The following CACNA1E variants were observed in gnomAD, a reference collection of about 807,000 sequenced individuals.
CACNA1E encodes voltage-dependent R-type calcium channel subunit alpha-1E.
Under a neutral mutation model 259.2 loss-of-function variants are expected in CACNA1E, and 40 were observed. The ratio of observed to expected loss-of-function variants is 0.15; its 90% CI spans 0.12 to 0.20. The LOEUF (loss-of-function observed/expected upper bound fraction) is 0.20. Ranked by LOEUF, CACNA1E falls within the 10% of genes least tolerant of loss-of-function variation. CACNA1E has a pLI of 1.00. For synonymous variants in CACNA1E, 1,104 were observed against 1,138.5 expected, an observed-to-expected ratio of 0.97 and a Z score of 0.61; for missense variants, 1,874 against 3,040.1, an observed-to-expected ratio of 0.62 and a Z score of 9.02.
intron 3 of CACNA1E, among the ~76,000 whole-genome samples, chr1:181,558,932 T>G (rs1324809870): frequency 2.0e-5 from 3 of 152,186 alleles, no homozygotes. Context: ...CAAGACGGTC[T>G]TTTGGGAAAG....
chr1:181,530,997 A>G (rs1005248684), intron 3 of CACNA1E, among the ~76,000 whole-genome samples: 1 of 152,236 alleles, frequency 6.6e-6, no homozygotes, highest in African/African-American at 2.4e-5. Flanking sequence ...CTGAGATTAC[A>G]TCAAAGTACA....
intron 3 of CACNA1E, among the ~76,000 whole-genome samples, chr1:181,556,587 G>A (rs1456240904): frequency 1.3e-5 from 2 of 152,152 alleles, no homozygotes; most frequent in Admixed American, 6.5e-5. Flanking sequence ...TGCCCCTTCC[G>A]TGCTACCCAG....
rs575949215 is a variant in CACNA1E at position 181,717,298 on chromosome 1, C to T, written c.1521C>T (p.Leu507=). The T allele has an allele frequency of 6.2e-7, 1 of 1,612,758 alleles. No individual in the cohort carries two copies. Among genetic ancestry groups the T allele is most frequent in the Non-Finnish European group, 8.5e-7 (1 of 1,179,280 alleles). The part of the protein sequence containing the change: ...HHNQPQWLTH[L]LYYAEFLFLG... ...ACCAGCCCCAGTGGCTCACCCACCT[C>T]CTCTGTAAGTAAAGCCTCTCTCTAA... Residue 507 remains leucine, a synonymous_variant, in exon 11 of 48, where the codon CTC becomes CTT. Coordinates refer to ENST00000367573, the MANE Select transcript of CACNA1E (RefSeq NM_001205293.3).
intron 7 of CACNA1E, among the ~76,000 whole-genome samples, chr1:181,673,023 A>G (rs761318371): frequency 6.6e-6 from 1 of 152,144 alleles, no homozygotes; most frequent in South Asian, 2.1e-4. Context: ...AAGTGAGAAA[A>G]TTGAGGCAGA....
At chr1:181,423,856 A>C (rs538736377) in intron 2 of CACNA1E, among the ~76,000 whole-genome samples, 29 of 152,130 alleles carry the variant, frequency 1.9e-4, no homozygotes, top group Middle Eastern at 3.4e-3. Context: ...CTTATATATG[A>C]GTGCTTTGTT....
chr1:181,337,188 C>T (rs1334549522), intron 1 of CACNA1E, among the ~76,000 whole-genome samples: 1 of 149,768 alleles, frequency 6.7e-6, no homozygotes, highest in African/African-American at 2.5e-5. Context: ...TGGAGTCTCA[C>T]TCTGTCGCCC....
At chr1:181,575,076 G>A (rs1011090847) in intron 3 of CACNA1E, among the ~76,000 whole-genome samples, 4 of 152,022 alleles carry the variant, frequency 2.6e-5, no homozygotes, top group Non-Finnish European at 5.9e-5. Context: ...ACAGGTGAAC[G>A]GGGAGCCGGC....
At chr1:181,654,724 C>T (rs1659048918) in intron 7 of CACNA1E, among the ~76,000 whole-genome samples, 1 of 152,154 alleles carries the variant, frequency 6.6e-6, no homozygotes, top group African/African-American at 2.4e-5. Flanking sequence ...CTGGCTCACG[C>T]CTGTAATCCC....
Position 181,741,154 on chromosome 1 carries a change from G to A in CACNA1E, c.3719+1901G>A, listed in dbSNP as rs189520507. On this transcript the variant is annotated intron_variant, in intron 25 of 47. Transcript: ENST00000367573. ...TTGAAGTATAAAGGACAAAGAGATAGAAGCATATAGGAAAGAACCCACCCC... is the reference window on the plus strand; with the variant it reads ...TTGAAGTATAAAGGACAAAGAGATAAAAGCATATAGGAAAGAACCCACCCC... 1.3e-3 allele frequency among the ~76,000 whole-genome samples: 196 copies of A among 152,282 alleles called. 1 individual carries two copies. Among genetic ancestry groups the A allele is most frequent in the Non-Finnish European group, 1.7e-3 (113 of 68,018 alleles).
chr1:181,609,513 G>A (rs1376934841), intron 6 of CACNA1E, among the ~76,000 whole-genome samples: 1 of 152,136 alleles, frequency 6.6e-6, no homozygotes, highest in African/African-American at 2.4e-5. Context: ...CCCTAAATGT[G>A]GCAGAGTAGA....
At chr1:181,546,940 G>T (rs1452937712) in intron 3 of CACNA1E, among the ~76,000 whole-genome samples, 1 of 152,126 alleles carries the variant, frequency 6.6e-6, no homozygotes, top group African/African-American at 2.4e-5. Flanking sequence ...CAAGCGATCT[G>T]TTCTTCCCTT....
intron 7 of CACNA1E, among the ~76,000 whole-genome samples, chr1:181,701,020 TG>T (rs1483679328): frequency 6.6e-6 from 1 of 152,204 alleles, no homozygotes; most frequent in Non-Finnish European, 1.5e-5. Context: ...TAAAAGGACT[TG>T]TTTTCATAAG....
chr1:181,733,157 C>T (rs1205969888), intron 20 of CACNA1E, 123 bp downstream of exon 20: 2 of 1,353,448 alleles, frequency 1.5e-6, no homozygotes, highest in African/African-American at 1.5e-5. Flanking sequence ...TGCTGACACA[C>T]ACTTTGTGAG....
At chr1:181,579,889 AAGAACTGAGGG>A (rs545628103) in intron 5 of CACNA1E, among the ~76,000 whole-genome samples, 20 of 152,258 alleles carry the variant, frequency 1.3e-4, no homozygotes, top group Admixed American at 1.3e-3. Context: ...CGTGGTATGG[AAGAACTGAGGG>A]AGCTCTGAGC....
intron 6 of CACNA1E, 149 bp from the exon 7 acceptor site, chr1:181,651,189 C>T (rs796165039): frequency 5.7e-5 from 33 of 583,934 alleles, no homozygotes; most frequent in African/African-American, 2.2e-4. Flanking sequence ...AGCTAACTCA[C>T]GGTAATACCA....
intron 44 of CACNA1E, among the ~76,000 whole-genome samples, chr1:181,791,995 C>T (rs575421274): frequency 1.4e-4 from 21 of 152,312 alleles, no homozygotes; most frequent in African/African-American, 4.3e-4. Flanking sequence ...TTAGTCCAGA[C>T]GCCCCCAGGG....
intron 13 of CACNA1E, 111 bp from the exon 14 acceptor site, chr1:181,720,095 A>G: frequency 7.7e-7 from 1 of 1,302,496 alleles, no homozygotes; most frequent in Non-Finnish European, 1.1e-6. Context: ...TACTTCCTAC[A>G]AATATACAAA....
chr1:181,751,243 G>T (rs1003153066), intron 26 of CACNA1E, among the ~76,000 whole-genome samples: 1 of 140,270 alleles, frequency 7.1e-6, no homozygotes, highest in Non-Finnish European at 1.6e-5. Context: ...AAATGCAAAT[G>T]TATTTGTTCA....
chr1:181,362,783 A>G (rs1485757399), intron 1 of CACNA1E, among the ~76,000 whole-genome samples: 2 of 152,176 alleles, frequency 1.3e-5, no homozygotes, highest in East Asian at 3.8e-4. Flanking sequence ...GAAACGGGGG[A>G]ACCGGAGCAA....
Sources: gnomAD v4.1 joint callset for allele counts (sites outside exome capture counted in the v4.1 genomes callset) on GRCh38, gnomAD v4.1.1 for gene constraint, MANE v1.5 for transcripts, NCBI Gene and HGNC (gene_info 2026-07-23, HGNC 2026-07-21) for gene names.